The following ROR1 variants were observed in gnomAD, a reference collection of about 807,000 sequenced individuals.
ROR1 encodes inactive tyrosine-protein kinase transmembrane receptor ROR1.
ROR1 carries 19 observed loss-of-function variants against 78.8 expected under a neutral mutation model. That is an observed-to-expected ratio of 0.24 (90% confidence interval 0.17 to 0.35). ROR1 has a LOEUF of 0.35. Among genes scored for constraint, ROR1 ranks in the 10% least tolerant of loss-of-function variants. The pLI is 1.00. For synonymous variants in ROR1, 386 were observed against 433.6 expected, an observed-to-expected ratio of 0.89 and a Z score of 1.36; for missense variants, 917 against 1,177.8, an observed-to-expected ratio of 0.78 and a Z score of 3.24.
At chr1:63,831,614 A>G (rs1378469234) in intron 1 of ROR1, among the ~76,000 whole-genome samples, 5 of 152,168 alleles carry the variant, frequency 3.3e-5, no homozygotes, top group Non-Finnish European at 5.9e-5. Flanking sequence ...CCACAAAACC[A>G]GTTTTCCCTT....
intron 4 of ROR1, among the ~76,000 whole-genome samples, chr1:64,135,029 C>G (rs1649054744): frequency 6.6e-6 from 1 of 151,990 alleles, no homozygotes; most frequent in South Asian, 2.1e-4. Context: ...CAAGGCGATT[C>G]TCATAAGGAG....
At chr1:63,897,804 A>G (rs1645452101) in intron 1 of ROR1, among the ~76,000 whole-genome samples, 3 of 152,214 alleles carry the variant, frequency 2.0e-5, no homozygotes, top group African/African-American at 4.8e-5. Flanking sequence ...TGGTAACTCA[A>G]ACTCAGCTTA....
In ROR1 at chr1:63,814,379, C is replaced by T. The variant is rs555843297; in HGVS notation, c.91+39871C>T. On this transcript the variant is annotated intron_variant, in intron 1 of 8. Transcript: ENST00000371079. ...GGCTGCCTAAGGCAGTGGTCCCCAA[C>T]CTTTTTAGCACCAGGGACCAGTTTT... Among the ~76,000 whole-genome samples the T allele has an allele frequency of 9.2e-5, 14 of 152,260 alleles. No homozygotes were observed. The South Asian group carries it at 2.7e-3, about 29-fold the overall frequency.
chr1:63,815,482 T>A (rs572006585), intron 1 of ROR1, among the ~76,000 whole-genome samples: 58 of 125,838 alleles, frequency 4.6e-4, no homozygotes, highest in African/African-American at 3.0e-3. Context: ...TCTTTTCTTT[T>A]TCTTTTTTTT....
At chr1:63,825,523 G>T (rs1325549208) in intron 1 of ROR1, among the ~76,000 whole-genome samples, 1 of 152,220 alleles carries the variant, frequency 6.6e-6, no homozygotes, top group Non-Finnish European at 1.5e-5. Context: ...CAGGCAAGGT[G>T]GGAATGGTTA....
At chr1:63,777,633 A>G (rs1368319155) in intron 1 of ROR1, among the ~76,000 whole-genome samples, 1 of 152,178 alleles carries the variant, frequency 6.6e-6, no homozygotes, top group African/African-American at 2.4e-5. Context: ...TCTCTTCTGT[A>G]TCTTGAGCAT....
chr1:64,148,511 C>G (rs1035187540), intron 7 of ROR1, among the ~76,000 whole-genome samples: 2 of 152,188 alleles, frequency 1.3e-5, no homozygotes, highest in Non-Finnish European at 2.9e-5. Flanking sequence ...ATTTCAGAAT[C>G]TCCATGGGGT....
intron 4 of ROR1, among the ~76,000 whole-genome samples, chr1:64,077,803 G>A (rs938935958): frequency 6.6e-6 from 1 of 152,206 alleles, no homozygotes; most frequent in African/African-American, 2.4e-5. Context: ...TGCTGAAAAG[G>A]CCAGAGCCAT....
At chr1:64,033,061 A>G (rs184269314) in intron 2 of ROR1, among the ~76,000 whole-genome samples, 71 of 152,254 alleles carry the variant, frequency 4.7e-4, no homozygotes, top group Non-Finnish European at 7.3e-4. Context: ...GTTGCATAAC[A>G]ATATGATTGT....
At chr1:64,086,722 A>G (rs11208348) in intron 4 of ROR1, among the ~76,000 whole-genome samples, 49,596 of 152,054 alleles carry the variant, frequency 0.33, 9,924 homozygotes, top group East Asian at 0.59. Context: ...CCCATTAAAT[A>G]AGTGCTTTTT....
At chr1:63,940,490 T>TAGACAGACAGAC (rs67116114) in intron 1 of ROR1, among the ~76,000 whole-genome samples, 15 of 91,486 alleles carry the variant, frequency 1.6e-4, no homozygotes, top group African/African-American at 4.4e-4. Flanking sequence ...GACAGATAGA[T>TAGACAGACAGAC]AGACAGACAG....
intron 1 of ROR1, among the ~76,000 whole-genome samples, chr1:63,936,025 AC>A (rs1414884926): frequency 6.6e-6 from 1 of 152,216 alleles, no homozygotes; most frequent in East Asian, 1.9e-4. Context: ...AGGGAGATTA[AC>A]CAGGAATAAA....
chr1:63,838,818 T>C (rs1401891846), intron 1 of ROR1, among the ~76,000 whole-genome samples: 1 of 152,216 alleles, frequency 6.6e-6, no homozygotes, highest in African/African-American at 2.4e-5. Context: ...TCATGATAAG[T>C]GCTCTCTACA....
In ROR1 at chr1:64,177,995, T is replaced by C; in HGVS notation, c.1954T>C (p.Ser652Pro). The C allele has an allele frequency of 6.2e-7, 1 of 1,614,212 alleles. No homozygotes were observed. Among genetic ancestry groups the C allele is most frequent in the Non-Finnish European group, 8.5e-7 (1 of 1,180,030 alleles). The change falls in exon 9 of 9, where the codon TCC becomes CCC. Residue 652 changes from serine (S) to proline (P), a missense_variant. Coordinates refer to ENST00000371079, the MANE Select transcript of ROR1 (RefSeq NM_005012.4). ...TGATTACTACAGGGTCCAGAGTAAG[T>C]CCTTGCTGCCCATTCGCTGGATGCC... ...SADYYRVQSK[S>P]LLPIRWMPPE...
At chr1:64,130,119 G>T (rs1483676702) in intron 4 of ROR1, among the ~76,000 whole-genome samples, 3 of 152,120 alleles carry the variant, frequency 2.0e-5, no homozygotes, top group African/African-American at 7.2e-5. Context: ...GACCAGATGT[G>T]GGAACCAGCA....
At chr1:64,127,332 T>A (rs1648744624) in intron 4 of ROR1, among the ~76,000 whole-genome samples, 1 of 152,196 alleles carries the variant, frequency 6.6e-6, no homozygotes, top group Admixed American at 6.5e-5. Context: ...ATTCTTCAAC[T>A]ATAAAATGGA....
chr1:64,098,803 A>G (rs1028319343), intron 4 of ROR1, among the ~76,000 whole-genome samples: 1 of 152,226 alleles, frequency 6.6e-6, no homozygotes, highest in Non-Finnish European at 1.5e-5. Context: ...AGATCCTTTT[A>G]GACTTCAGGA....
Position 63,960,169 on chromosome 1 carries a change from G to A in ROR1, c.92-49136G>A, listed in dbSNP as rs536112824. 3.3e-5 allele frequency among the ~76,000 whole-genome samples: 5 copies of A among 152,086 alleles called. No individual in the cohort carries two copies. The East Asian group carries it at 7.7e-4, about 23-fold the overall frequency. On this transcript the variant is annotated intron_variant, in intron 1 of 8. Transcript: ENST00000371079. ...ACAACCTCTTACATCTAAAAGAAAC[G>A]TTGTTACTCATTGTTGAATGAAAGA...
chr1:64,155,180 C>A (rs573652082), intron 7 of ROR1, among the ~76,000 whole-genome samples: 1 of 152,202 alleles, frequency 6.6e-6, no homozygotes, highest in Admixed American at 6.5e-5. Context: ...AAGATAACAC[C>A]AATGTGCCTT....
Sources: allele counts gnomAD v4.1 joint callset (sites outside exome capture counted in the v4.1 genomes callset), GRCh38; gene constraint gnomAD v4.1.1; transcripts MANE v1.5; gene names NCBI Gene and HGNC (gene_info 2026-07-23, HGNC 2026-07-21).